HRK: variants seen among roughly 807,000 people sequenced by gnomAD.
HRK encodes harakiri, BCL2 interacting protein, also known as activator of apoptosis harakiri.
In HRK, 6 loss-of-function variants were observed where a neutral mutation model predicts 5.9. The ratio of observed to expected loss-of-function variants is 1.02; its 90% confidence interval spans 0.56 to 2.01. HRK has a LOEUF of 2.01. Among genes scored for constraint, HRK ranks in the 30% most tolerant of loss-of-function variants. The probability of loss-of-function intolerance (pLI) is 0.00; values close to 1 mark genes in which losing one functional copy is unlikely to be tolerated. For synonymous variants in HRK, 85 were observed against 65.1 expected, an observed-to-expected ratio of 1.31 and a Z score of -1.47; for missense variants, 133 against 128.3, an observed-to-expected ratio of 1.04 and a Z score of -0.18.
chr12:116,870,027 C>T (rs1045049439), intron 1 of HRK, among the ~76,000 whole-genome samples: 1 of 152,090 alleles, frequency 6.6e-6, no homozygotes, highest in African/African-American at 2.4e-5. Context: ...TTGCAGTGAG[C>T]CAAGATCGTG....
chr12:116,877,871 G>T lies in HRK; in HGVS notation c.*56+3105C>A, dbSNP rs549224532. ...GGTTCGCAGTAGAGACTCAAAACAA[G>T]TATGCTGGATATATGTATGTGTATA... On this transcript the variant is annotated intron_variant, in intron 1 of 1. Transcript: ENST00000257572. 8.5e-5 allele frequency among the ~76,000 whole-genome samples: 13 copies of T among 152,274 alleles called. No individual in the cohort carries two copies. The South Asian group carries it at 2.5e-3, about 29-fold the overall frequency.
At position 116,859,362 on chromosome 12, in the gene HRK, T is replaced by C. The variant is rs1453152189; in HGVS notation, c.*2161A>G. On this transcript the variant is annotated 3_prime_UTR_variant, in exon 2 of 2. Coordinates refer to ENST00000257572, the MANE Select transcript of HRK (RefSeq NM_003806.4). ...CCTTAAAGAAGCAGAGAACTGTGATTGGATACAGCTGTGTAGTAATGGACG... is the reference window on the plus strand; with the variant it reads ...CCTTAAAGAAGCAGAGAACTGTGATCGGATACAGCTGTGTAGTAATGGACG... 1.3e-5 allele frequency: 2 copies of C among 152,174 alleles called. No individual in the cohort carries two copies. Among genetic ancestry groups the C allele is most frequent in the Non-Finnish European group, 2.9e-5 (2 of 68,032 alleles). The allele number at this position is 152,174 out of a possible 1,614,324, so 9.4% of individuals were successfully genotyped here.
intron 1 of HRK, among the ~76,000 whole-genome samples, chr12:116,863,880 C>G (rs1430542864): frequency 1.3e-5 from 2 of 151,750 alleles, no homozygotes; most frequent in Non-Finnish European, 2.9e-5. Context: ...TTTATTTTTT[C>G]TTTTAGAGAC....
At chr12:116,877,861 C>T (rs1878992466) in intron 1 of HRK, among the ~76,000 whole-genome samples, 1 of 152,108 alleles carries the variant, frequency 6.6e-6, no homozygotes, top group African/African-American at 2.4e-5. Flanking sequence ...GCAGTAGAGA[C>T]TCAAAACAAG....
intron 1 of HRK, among the ~76,000 whole-genome samples, chr12:116,871,145 C>T (rs963130059): frequency 6.8e-6 from 1 of 147,510 alleles, no homozygotes; most frequent in Non-Finnish European, 1.5e-5. Flanking sequence ...TTAGTAGAAG[C>T]GAGGTTTCAC....
In HRK at chr12:116,863,454, A is replaced by G. The variant is rs193179511; in HGVS notation, c.*57-1988T>C. On this transcript the variant is annotated intron_variant, in intron 1 of 1. Transcript: ENST00000257572. The stretch of plus-strand genomic sequence containing the variant: ...GCCAGGGTGGGAATAGCTCCCCTCT[A>G]TGGCCAAGCCTGGGTACTGCATTCA... 2.0e-4 allele frequency among the ~76,000 whole-genome samples: 31 copies of G among 152,092 alleles called. No individual in the cohort carries two copies. In the East Asian group the frequency reaches 5.4e-3, roughly 27 times the overall value.
At position 116,856,932 on chromosome 12, in the gene HRK, C is replaced by T. The variant is rs1878172955; in HGVS notation, c.*4591G>A. ...GGGGAAGACGGGTAAAGCACTTCGC[C>T]CAGTGCTTGGGAGTGGCGAGCACGC... On this transcript the variant is annotated 3_prime_UTR_variant, in exon 2 of 2. Transcript: ENST00000257572. The surrounding 1 kb of genome is among the most constrained non-coding windows in gnomAD (Gnocchi z 4.4). The T allele has an allele frequency of 6.6e-6, 1 of 152,220 alleles. No individual in the cohort carries two copies. Among genetic ancestry groups the T allele is most frequent in the African/African-American group, 2.4e-5 (1 of 41,432 alleles). The allele number at this position is 152,220 out of a possible 1,614,324, so 9.4% of individuals were successfully genotyped here. A position where few individuals can be genotyped will look rare whatever the true frequency, so the allele number is the denominator to read the frequency against.
At chr12:116,873,499 G>A (rs1047741033) in intron 1 of HRK, among the ~76,000 whole-genome samples, 8 of 151,698 alleles carry the variant, frequency 5.3e-5, no homozygotes, top group African/African-American at 1.9e-4. Context: ...TCAGCCTCCC[G>A]AGTAGTTGGT....
intron 1 of HRK, among the ~76,000 whole-genome samples, chr12:116,868,335 G>C (rs562858741): frequency 3.9e-5 from 6 of 152,228 alleles, no homozygotes; most frequent in East Asian, 3.9e-4. Context: ...TCAGCTAGAA[G>C]ACCACCCATT....
intron 1 of HRK, among the ~76,000 whole-genome samples, chr12:116,865,483 TGCCTC>T (rs1878510509): frequency 1.3e-5 from 2 of 152,154 alleles, no homozygotes; most frequent in Admixed American, 6.5e-5. Flanking sequence ...GCTGAGATCA[TGCCTC>T]TGCACTCCAT....
Position 116,859,776 on chromosome 12 carries a change from G to A in HRK, c.*1747C>T, listed in dbSNP as rs533695250. 6.6e-6 allele frequency: 1 copy of A among 152,188 alleles called. No individual in the cohort carries two copies. Among genetic ancestry groups the A allele is most frequent in the South Asian group, 2.1e-4 (1 of 4,822 alleles). 9.4% of individuals were successfully genotyped at this position (152,188 alleles called of 1,614,324 possible). ...AGGAACGGATTTTAAAAGGAAGACA[G>A]AAAGAAATCCAGCTCCCAGCTTGCA... On this transcript the variant is annotated 3_prime_UTR_variant, in exon 2 of 2. Coordinates refer to ENST00000257572, the MANE Select transcript of HRK (RefSeq NM_003806.4).
chr12:116,863,820 T>C (rs574603057), intron 1 of HRK, among the ~76,000 whole-genome samples: 6 of 151,870 alleles, frequency 4.0e-5, no homozygotes, highest in African/African-American at 1.2e-4. Flanking sequence ...CACCTCAGCC[T>C]CTAGCTGGGA....
rs1434797057 is a variant in HRK at position 116,862,762 on chromosome 12, C to T, written c.*57-1296G>A. On this transcript the variant is annotated intron_variant, in intron 1 of 1. Transcript: ENST00000257572. The surrounding 1 kb of genome is among the most constrained non-coding windows in gnomAD (Gnocchi z 4.0). ...TTTGTTTGTTTTTGAGACAAGGTCT[C>T]GTTCTGTTGCCCAGGCTGGAGTGCA... Among the ~76,000 whole-genome samples the T allele has an allele frequency of 6.6e-6, 1 of 152,028 alleles. No individual in the cohort carries two copies. Among genetic ancestry groups the T allele is most frequent in the African/African-American group, 2.4e-5 (1 of 41,392 alleles).
intron 1 of HRK, among the ~76,000 whole-genome samples, chr12:116,869,140 A>G (rs1343248888): frequency 6.6e-6 from 1 of 152,054 alleles, no homozygotes; most frequent in Non-Finnish European, 1.5e-5. Context: ...TGCCTGGCTA[A>G]TTTTTGTACA....
At chr12:116,876,493 T>C (rs1037563456) in intron 1 of HRK, among the ~76,000 whole-genome samples, 1 of 152,174 alleles carries the variant, frequency 6.6e-6, no homozygotes, top group African/African-American at 2.4e-5. Flanking sequence ...ATTATCTTCC[T>C]TGCCACTGAC....
At chr12:116,876,372 G>A (rs1440102707) in intron 1 of HRK, among the ~76,000 whole-genome samples, 2 of 152,208 alleles carry the variant, frequency 1.3e-5, no homozygotes, top group Admixed American at 1.3e-4. Context: ...TGCGGGATGC[G>A]CCTCCAGGTT....
rs1333214995 is a variant in HRK at position 116,880,959 on chromosome 12, C to T, written c.*56+17G>A. The stretch of plus-strand genomic sequence containing the variant: ...CCCAGCTGCCGCGCCCCGGCTCTCG[C>T]TCGCTCGCTCGCGTACCTGTTGCTC... On this transcript the variant is annotated intron_variant, in intron 1 of 1. Coordinates refer to ENST00000257572, the MANE Select transcript of HRK (RefSeq NM_003806.4). 1.7e-6 allele frequency: 2 copies of T among 1,174,880 alleles called. No homozygotes were observed. Among genetic ancestry groups the T allele is most frequent in the East Asian group, 3.5e-5 (1 of 28,856 alleles). The allele number at this position is 1,174,880 out of a possible 1,614,324, so 72.8% of individuals were successfully genotyped here. A position where few individuals can be genotyped will look rare whatever the true frequency, so the allele number is the denominator to read the frequency against.
chr12:116,865,345 G>T (rs1878504679), intron 1 of HRK, among the ~76,000 whole-genome samples: 2 of 151,930 alleles, frequency 1.3e-5, no homozygotes, highest in African/African-American at 4.8e-5. Context: ...TGGGCAACAT[G>T]GCAAAACCTC....
intron 1 of HRK, among the ~76,000 whole-genome samples, chr12:116,869,970 C>T (rs1215439918): frequency 6.6e-6 from 1 of 152,150 alleles, no homozygotes; most frequent in Non-Finnish European, 1.5e-5. Flanking sequence ...ATCCCAGCTA[C>T]TCTGGAGGCT....
Sources: gnomAD v4.1 joint callset for allele counts (sites outside exome capture counted in the v4.1 genomes callset) on GRCh38, gnomAD v4.1.1 for gene constraint, Gnocchi (gnomAD v3.1) non-coding constraint, MANE v1.5 for transcripts, NCBI Gene and HGNC (gene_info 2026-07-23, HGNC 2026-07-21) for gene names.